Variants in AMZ1 observed in about 807,000 individuals in gnomAD.
The protein encoded by AMZ1 is archaelysin family metallopeptidase 1, also known as archaemetzincin-1.
In AMZ1, 39 loss-of-function variants were observed where a neutral mutation model predicts 29.9. The observed-to-expected ratio is 1.30, with a 90% CI of 1.01 to 1.70. The LOEUF (loss-of-function observed/expected upper bound fraction) is 1.70, where lower values mean the gene tolerates loss of function less well. AMZ1 is among the 40% of genes most tolerant of loss of function. The probability of loss-of-function intolerance (pLI) is 0.00; values close to 1 mark genes in which losing one functional copy is unlikely to be tolerated. For missense variants in AMZ1, 1,041 were observed against 680.6 expected (o/e 1.53, Z -5.89); for synonymous variants, 458 against 304.0 (o/e 1.51, Z -5.27).
In AMZ1 at chr7:2,700,270, G is replaced by T; in HGVS notation, c.-182G>T. 1.5e-6 allele frequency: 1 copy of T among 689,592 alleles called. No homozygotes were observed. Among genetic ancestry groups the T allele is most frequent in the Non-Finnish European group, 2.4e-6 (1 of 419,656 alleles). 42.7% of individuals were successfully genotyped at this position (689,592 alleles called of 1,614,324 possible). ...CCCAGAAGCGCCCATGCCTGAGAGCGTCCAGGACCAGGCAGAGCTGGGCCT... is the reference window on the plus strand; with the variant it reads ...CCCAGAAGCGCCCATGCCTGAGAGCTTCCAGGACCAGGCAGAGCTGGGCCT... On this transcript the variant is annotated 5_prime_UTR_variant, in exon 2 of 7. Transcript: ENST00000683327.
intron 4 of AMZ1, among the ~76,000 whole-genome samples, chr7:2,740,320 G>A (rs1370125903): frequency 6.6e-6 from 1 of 152,140 alleles, no homozygotes; most frequent in East Asian, 1.9e-4. Flanking sequence ...TTTGGGAGGT[G>A]ACTGAAGGTA....
At chr7:2,693,089 A>AG (rs1272530061) in intron 1 of AMZ1, among the ~76,000 whole-genome samples, 3 of 151,812 alleles carry the variant, frequency 2.0e-5, no homozygotes, top group Admixed American at 6.6e-5. Context: ...CCCGCTCTGT[A>AG]GGGGGGTGTT....
intron 4 of AMZ1, among the ~76,000 whole-genome samples, chr7:2,749,651 T>TA (rs1311021619): frequency 2.0e-5 from 3 of 151,844 alleles, no homozygotes; most frequent in Admixed American, 2.0e-4. Context: ...CCCTAGAACT[T>TA]AAAGTATAAT....
rs559083782 is a variant in AMZ1 at position 2,700,633 on chromosome 7, G to A, written c.182G>A (p.Arg61His). ...QRTLFCTLLI[R>H]TGFDWLLSRP... Reference sequence around the variant, plus strand: ...ACGCTCTTCTGCACCCTGCTCATCCGCACGGGCTTCGACTGGCTCCTGAGC... The same window carrying A: ...ACGCTCTTCTGCACCCTGCTCATCCACACGGGCTTCGACTGGCTCCTGAGC... The change falls in exon 2 of 7, where the codon CGC becomes CAC. Residue 61 changes from arginine to histidine, a missense_variant. By Grantham distance (29) the Arg-to-His change is conservative (BLOSUM62 0). Coordinates refer to ENST00000683327, the MANE Select transcript of AMZ1 (RefSeq NM_001384743.1). 85 of 1,611,394 alleles carry A rather than the reference G, an allele frequency of 5.3e-5. No homozygotes were observed. The highest frequency in any genetic ancestry group is 2.3e-4 in the South Asian group (21 of 91,084).
chr7:2,712,270 G>C (rs1010075853), intron 6 of AMZ1, 60 bp from the exon 7 acceptor site: 11 of 1,480,486 alleles, frequency 7.4e-6, no homozygotes, highest in South Asian at 1.4e-5. Flanking sequence ...TCTCCTGGCA[G>C]TTCCCTGGCT....
rs1789314474 is a variant in AMZ1 at position 2,719,300 on chromosome 7, T to A, written c.*6422T>A. ...GAGGCAGTTGTTTCACGTGGGGCTC[T>A]TGATGGCATAACCTGATGTCTGTCA... On this transcript the variant is annotated 3_prime_UTR_variant, in exon 7 of 7. Coordinates refer to ENST00000683327, the MANE Select transcript of AMZ1 (RefSeq NM_001384743.1). Among the ~76,000 whole-genome samples, 1 of 152,224 alleles carries A rather than the reference T, an allele frequency of 6.6e-6. No homozygotes were observed.
chr7:2,762,293 C>T (rs981012095), upstream of AMZ1: 24 of 260,350 alleles, frequency 9.2e-5, 1 homozygote, highest in African/African-American at 4.4e-4. Flanking sequence ...ATGGCGGGGC[C>T]GGCGTGCACC....
intron 1 of AMZ1, among the ~76,000 whole-genome samples, chr7:2,692,644 C>G (rs1043119684): frequency 1.3e-5 from 2 of 152,080 alleles, no homozygotes; most frequent in Admixed American, 1.3e-4. Context: ...TCTTCCGTAG[C>G]GAGGTCCCCA....
chr7:2,692,273 G>C (rs867781445), intron 1 of AMZ1, among the ~76,000 whole-genome samples: 1 of 152,174 alleles, frequency 6.6e-6, no homozygotes, highest in African/African-American at 2.4e-5. Context: ...GGGCGTGGTG[G>C]CTCACGCCTG....
chr7:2,721,979 C>T (rs561272878), downstream of AMZ1, among the ~76,000 whole-genome samples: 21 of 152,344 alleles, frequency 1.4e-4, no homozygotes, highest in East Asian at 2.3e-3. Flanking sequence ...GATGGCCCGG[C>T]GCAGGTGGTG....
chr7:2,693,081 C>T (rs567241497), intron 1 of AMZ1, among the ~76,000 whole-genome samples: 125 of 152,182 alleles, frequency 8.2e-4, no homozygotes, highest in African/African-American at 2.9e-3. Flanking sequence ...AGCCCTGCCC[C>T]GCTCTGTAGG....
At chr7:2,695,870 C>T (rs889014236) in intron 1 of AMZ1, among the ~76,000 whole-genome samples, 25 of 151,872 alleles carry the variant, frequency 1.6e-4, no homozygotes, top group Middle Eastern at 3.4e-3. Flanking sequence ...ATTAGCCGGG[C>T]GTGGTGGCGG....
Position 2,712,794 on chromosome 7 carries a change from C to T in AMZ1, c.1413C>T (p.Phe471=), listed in dbSNP as rs747598064. The T allele has an allele frequency of 3.8e-6, 6 of 1,561,858 alleles. No homozygotes were observed. The African/African-American group carries it at 5.4e-5, about 14-fold the overall frequency. ...VGLRKVLGDK[F]SSLRRKLSAR... The stretch of plus-strand genomic sequence containing the variant: ...TGCGCAAGGTGCTGGGGGACAAGTT[C>T]TCCTCCCTGAGGAGGAAGCTGAGTG... The change falls in exon 7 of 7, where the codon TTC becomes TTT. Residue 471 remains phenylalanine, a synonymous_variant. Coordinates refer to ENST00000683327, the MANE Select transcript of AMZ1 (RefSeq NM_001384743.1).
chr7:2,730,908 G>T (rs1005982075), intron 4 of AMZ1: 3 of 416,070 alleles, frequency 7.2e-6, no homozygotes, highest in African/African-American at 5.9e-5. Context: ...AGCAAAGCAA[G>T]CTGTGTGATT....
intron 4 of AMZ1, among the ~76,000 whole-genome samples, chr7:2,750,743 A>C (rs965011782): frequency 6.6e-6 from 1 of 152,172 alleles, no homozygotes; most frequent in Non-Finnish European, 1.5e-5. Context: ...CAGTGTGAAG[A>C]GCAAGGGGGA....
At chr7:2,737,274 G>GTTTTGTTTTTTTT (rs1790242698) in intron 4 of AMZ1, among the ~76,000 whole-genome samples, 3 of 35,032 alleles carry the variant, frequency 8.6e-5, no homozygotes, top group East Asian at 8.3e-4. Flanking sequence ...GTTTTGTTTT[G>GTTTTGTTTTTTTT]TTTTTTTTTT....
rs1295392534 is a variant in AMZ1 at position 2,714,749 on chromosome 7, C to A, written c.*1871C>A. ...CACACGGCTGCCAAGTGGAATTTGGCTGGGAATCTCAGGCCTTGGTTCCTG... is the reference window on the plus strand; with the variant it reads ...CACACGGCTGCCAAGTGGAATTTGGATGGGAATCTCAGGCCTTGGTTCCTG... On this transcript the variant is annotated 3_prime_UTR_variant, in exon 7 of 7. Transcript: ENST00000683327. The A allele has an allele frequency of 6.6e-6, 1 of 152,182 alleles. No homozygotes were observed. The highest frequency in any genetic ancestry group is 1.5e-5 in the Non-Finnish European group (1 of 68,052). The allele number at this position is 152,182 out of a possible 1,614,324, so 9.4% of individuals were successfully genotyped here.
At chr7:2,723,167 A>C (rs371860199), downstream of AMZ1, among the ~76,000 whole-genome samples, 10 of 152,324 alleles carry the variant, frequency 6.6e-5, no homozygotes, top group East Asian at 1.3e-3. Flanking sequence ...GACTCCTAAT[A>C]AGAAAGCACC....
At chr7:2,691,780 G>A (rs1019866057) in intron 1 of AMZ1, among the ~76,000 whole-genome samples, 4 of 151,714 alleles carry the variant, frequency 2.6e-5, no homozygotes, top group African/African-American at 9.7e-5. Flanking sequence ...AGGGTGGCAG[G>A]CACCGGAAGG....
Sources: allele counts gnomAD v4.1 joint callset (sites outside exome capture counted in the v4.1 genomes callset), GRCh38; gene constraint gnomAD v4.1.1; transcripts MANE v1.5; gene names NCBI Gene and HGNC (gene_info 2026-07-23, HGNC 2026-07-21).